RALA: variants seen among roughly 807,000 people sequenced by gnomAD.
RALA encodes RAS like proto-oncogene A.
A neutral mutation model predicts 24.0 loss-of-function variants in RALA; 5 were observed. That is an observed-to-expected ratio of 0.21 (90% CI 0.11 to 0.44). The LOEUF is 0.44. Among genes scored for constraint, RALA ranks in the 20% least tolerant of loss-of-function variants. The pLI is 0.99. For missense variants in RALA, 95 were observed against 241.2 expected (o/e 0.39, Z 4.01); for synonymous variants, 77 against 83.8 (o/e 0.92, Z 0.44).
At chr7:39,674,985 C>T (rs1028295796) in intron 1 of RALA, among the ~76,000 whole-genome samples, 11 of 151,870 alleles carry the variant, frequency 7.2e-5, no homozygotes, top group African/African-American at 1.9e-4. Flanking sequence ...TACCACACCC[C>T]GCTAATTTTG....
chr7:39,696,873 C>G lies in RALA; in HGVS notation c.498+14C>G, dbSNP rs191145222. ...AATGTTGACAAGGTAACACGTGACT[C>G]TTTACTACTGCATCATGTTAAAATA... On this transcript the variant is annotated intron_variant, in intron 4 of 4. Coordinates refer to ENST00000005257, the MANE Select transcript of RALA (RefSeq NM_005402.4). The G allele has an allele frequency of 2.5e-6, 4 of 1,601,854 alleles. No homozygotes were observed. The highest frequency in any genetic ancestry group is 3.4e-6 in the Non-Finnish European group (4 of 1,174,812).
intron 1 of RALA, among the ~76,000 whole-genome samples, chr7:39,634,255 A>G (rs1791648140): frequency 6.6e-6 from 1 of 151,672 alleles, no homozygotes; most frequent in Admixed American, 6.6e-5. Flanking sequence ...TCCTTGGTCC[A>G]TTCCAGCTGT....
At position 39,706,893 on chromosome 7, in the gene RALA, TACTGACACCAGGGGTC is replaced by T. The variant is rs1277881912; in HGVS notation, c.*649_*664del. ...GGTTATATCATTCTGGGTGTGTTCT[TACTGACACCAGGGGTC>T]CGCTGCCCCATGTGTCCTGGTGAGA... On this transcript the variant is annotated 3_prime_UTR_variant, in exon 5 of 5. Coordinates refer to ENST00000005257, the MANE Select transcript of RALA (RefSeq NM_005402.4). 6.5e-6 allele frequency: 1 copy of T among 152,672 alleles called. No individual in the cohort carries two copies. The highest frequency in any genetic ancestry group is 1.5e-5 in the Non-Finnish European group (1 of 68,076). The allele number at this position is 152,672 out of a possible 1,614,324, so 9.5% of individuals were successfully genotyped here. A position where few individuals can be genotyped will look rare whatever the true frequency, so the allele number is the denominator to read the frequency against.
At chr7:39,629,785 T>G (rs550644230) in intron 1 of RALA, among the ~76,000 whole-genome samples, 16 of 152,200 alleles carry the variant, frequency 1.1e-4, no homozygotes, top group Admixed American at 7.8e-4. Flanking sequence ...TTAGTAGAGA[T>G]GGGGTTTCAC....
At chr7:39,705,162 C>G (rs1185986816) in intron 4 of RALA, among the ~76,000 whole-genome samples, 1 of 152,104 alleles carries the variant, frequency 6.6e-6, no homozygotes, top group Non-Finnish European at 1.5e-5. Flanking sequence ...ATGTATACTC[C>G]TGCCCTACAC....
intron 3 of RALA, among the ~76,000 whole-genome samples, chr7:39,694,140 A>G (rs1161818245): frequency 6.6e-6 from 1 of 152,244 alleles, no homozygotes; most frequent in Non-Finnish European, 1.5e-5. Flanking sequence ...TTCATAGATT[A>G]TAAGATGTAC....
intron 1 of RALA, among the ~76,000 whole-genome samples, chr7:39,662,639 C>A (rs1475437366): frequency 6.6e-6 from 1 of 152,162 alleles, no homozygotes; most frequent in Admixed American, 6.5e-5. Flanking sequence ...TCTGAGACCA[C>A]CTCAGCCTGG....
intron 1 of RALA, among the ~76,000 whole-genome samples, chr7:39,670,921 C>T (rs1562617735): frequency 6.6e-6 from 1 of 152,112 alleles, no homozygotes; most frequent in African/African-American, 2.4e-5. Context: ...TAACTCTTCT[C>T]TCCCCTCCTA....
intron 1 of RALA, among the ~76,000 whole-genome samples, chr7:39,640,587 A>G (rs916165450): frequency 2.3e-4 from 35 of 152,168 alleles, no homozygotes; most frequent in African/African-American, 7.5e-4. Context: ...AGAGAGTGCT[A>G]TGTTTTTTTG....
rs572494637 is a variant in RALA, at chr7:39,706,423, T to A, written c.*178T>A. ...AATTTACTTTAAAAAGAAATTAATA[T>A]GGCTTCACCAAGAAGCAAAGTTCAA... On this transcript the variant is annotated 3_prime_UTR_variant, in exon 5 of 5. Transcript: ENST00000005257. 1.7e-6 allele frequency: 1 copy of A among 602,120 alleles called. No individual in the cohort carries two copies. Among genetic ancestry groups the A allele is most frequent in the Non-Finnish European group, 2.8e-6 (1 of 360,038 alleles). 37.3% of individuals were successfully genotyped at this position (602,120 alleles called of 1,614,324 possible). A position where few individuals can be genotyped will look rare whatever the true frequency, so the allele number is the denominator to read the frequency against.
intron 1 of RALA, among the ~76,000 whole-genome samples, chr7:39,626,363 T>C (rs1203981592): frequency 6.6e-6 from 1 of 152,254 alleles, no homozygotes; most frequent in Non-Finnish European, 1.5e-5. Flanking sequence ...AGCTTGTGTT[T>C]AGTAGAGCCT....
chr7:39,629,817 G>C (rs142221165), intron 1 of RALA, among the ~76,000 whole-genome samples: 2,345 of 152,056 alleles, frequency 0.015, 62 homozygotes, highest in African/African-American at 0.053. Context: ...GGATGGTCTC[G>C]ATCTCCTGAC....
chr7:39,688,676 C>T (rs556438284), intron 2 of RALA, among the ~76,000 whole-genome samples: 35 of 151,526 alleles, frequency 2.3e-4, no homozygotes, highest in African/African-American at 8.2e-4. Flanking sequence ...CAGGCTCAAG[C>T]GATCCTCCCA....
intron 1 of RALA, among the ~76,000 whole-genome samples, chr7:39,626,138 C>T (rs1337936967): frequency 6.6e-6 from 1 of 152,238 alleles, no homozygotes; most frequent in Non-Finnish European, 1.5e-5. Context: ...TTTCTTACCT[C>T]AGTGACATTA....
chr7:39,690,981 T>C (rs1166296884), intron 3 of RALA, among the ~76,000 whole-genome samples: 2 of 152,210 alleles, frequency 1.3e-5, no homozygotes, highest in Non-Finnish European at 2.9e-5. Flanking sequence ...TTAGCACCTA[T>C]GTAATGCTCA....
chr7:39,635,907 C>T (rs929608023), intron 1 of RALA, among the ~76,000 whole-genome samples: 2 of 152,182 alleles, frequency 1.3e-5, no homozygotes, highest in African/African-American at 4.8e-5. Context: ...GGAGCCTGCT[C>T]TACAGACTTG....
At chr7:39,663,518 G>A (rs1792230733) in intron 1 of RALA, among the ~76,000 whole-genome samples, 1 of 151,442 alleles carries the variant, frequency 6.6e-6, no homozygotes, top group Non-Finnish European at 1.5e-5. Context: ...GCAGAGAAAA[G>A]TCAACATTAC....
At chr7:39,631,686 T>G (rs193285765) in intron 1 of RALA, among the ~76,000 whole-genome samples, 22 of 152,376 alleles carry the variant, frequency 1.4e-4, no homozygotes, top group African/African-American at 4.6e-4. Flanking sequence ...TTATCTTTTT[T>G]GTTGCTATTA....
intron 4 of RALA, chr7:39,702,858 G>T (rs1450530445): frequency 6.6e-6 from 1 of 152,204 alleles, no homozygotes; most frequent in African/African-American, 2.4e-5. Context: ...AGGCTGGAAT[G>T]GGAGGGATAG....
Sources: gnomAD v4.1 joint callset for allele counts (sites outside exome capture counted in the v4.1 genomes callset) on GRCh38, gnomAD v4.1.1 for gene constraint, MANE v1.5 for transcripts, NCBI Gene and HGNC (gene_info 2026-07-23, HGNC 2026-07-21) for gene names.